MFSD8: variants seen among roughly 807,000 people sequenced by gnomAD.
MFSD8 encodes major facilitator superfamily domain containing 8.
A neutral mutation model predicts 66.4 loss-of-function variants in MFSD8; 55 were observed. The observed-to-expected ratio is 0.83, with a 90% confidence interval of 0.67 to 1.04. The LOEUF (loss-of-function observed/expected upper bound fraction) is 1.04. Ranked by LOEUF, MFSD8 falls within the 50% of genes least tolerant of loss-of-function variation. The probability of loss-of-function intolerance (pLI) is 0.00; values close to 1 mark genes in which losing one functional copy is unlikely to be tolerated. For synonymous variants in MFSD8, 202 were observed against 212.8 expected (o/e 0.95, Z 0.44); for missense variants, 550 against 627.6 (o/e 0.88, Z 1.32).
chr4:127,929,998 T>C (rs974778805), intron 9 of MFSD8, among the ~76,000 whole-genome samples: 2 of 152,062 alleles, frequency 1.3e-5, no homozygotes, highest in Non-Finnish European at 2.9e-5. Context: ...ATCCCAACAC[T>C]TTGGGAGACT....
In MFSD8 at chr4:127,922,053, T is replaced by C. The variant is rs1736418047; in HGVS notation, c.999-90A>G. On this transcript the variant is annotated intron_variant, in intron 9 of 11. Transcript: ENST00000641686. ...ATAATTTTAAAAACTAAAAATAATA[T>C]CTTGTACTTTTAGTGATATATCCAT... 7 of 1,180,264 alleles carry C rather than the reference T, an allele frequency of 5.9e-6. No homozygotes were observed. The Admixed American group carries it at 7.9e-5, about 13-fold the overall frequency. The allele number at this position is 1,180,264 out of a possible 1,614,324, so 73.1% of individuals were successfully genotyped here.
In MFSD8 at chr4:127,923,547, T is replaced by A. The variant is rs570950369; in HGVS notation, c.999-1584A>T. 4.6e-3 allele frequency among the ~76,000 whole-genome samples: 614 copies of A among 133,228 alleles called. 10 individuals are homozygous for A. Among genetic ancestry groups the A allele is most frequent in the African/African-American group, 0.017 (584 of 34,014 alleles). The allele number at this position is 133,228 out of a possible 152,430, so 87.4% of individuals were successfully genotyped here. A position where few individuals can be genotyped will look rare whatever the true frequency, so the allele number is the denominator to read the frequency against. ...AGTTTTCCAGTATTTTATTTTTTAT[T>A]TTTATTTATTATTATTATTATTATT... is the stretch of plus-strand genomic sequence containing the variant. On this transcript the variant is annotated intron_variant, in intron 9 of 11. Coordinates refer to ENST00000641686, the MANE Select transcript of MFSD8 (RefSeq NM_001371596.2).
intron 7 of MFSD8, among the ~76,000 whole-genome samples, chr4:127,937,147 C>T (rs960471670): frequency 6.6e-6 from 1 of 152,198 alleles, no homozygotes; most frequent in East Asian, 1.9e-4. Context: ...CTTTCTCTCA[C>T]TCCCTTTCTG....
rs961626192 is a variant in MFSD8 at position 127,939,860 on chromosome 4, T to C, written c.691A>G (p.Ile231Val). The change falls in exon 6 of 12, where the codon ATA becomes GTA. Residue 231 changes from isoleucine to valine, a missense_variant. By Grantham distance (29) the Ile-to-Val change is conservative (BLOSUM62 3). Coordinates refer to ENST00000641686, the MANE Select transcript of MFSD8 (RefSeq NM_001371596.2). ...TCATTTCTATCTAATTACCTTAGTA[T>C]GGCAAGGATCAGAATAATATTTAAA... ...GILNIILILA[I>V]LREHRVDDSG... 6.2e-7 allele frequency: 1 copy of C among 1,612,264 alleles called. No individual in the cohort carries two copies. The highest frequency in any genetic ancestry group is 8.5e-7 in the Non-Finnish European group (1 of 1,179,030).
At chr4:127,946,945 A>C (rs969313026) in intron 3 of MFSD8, among the ~76,000 whole-genome samples, 2 of 151,890 alleles carry the variant, frequency 1.3e-5, no homozygotes, top group Non-Finnish European at 2.9e-5. Flanking sequence ...AAAAAAAAAA[A>C]CAATCCTAAC....
chr4:127,948,822 C>A (rs1325983175), intron 3 of MFSD8, among the ~76,000 whole-genome samples: 3 of 152,194 alleles, frequency 2.0e-5, no homozygotes, highest in Non-Finnish European at 4.4e-5. Context: ...TTCGGAGAGT[C>A]CCCACCAGCA....
intron 5 of MFSD8, 92 bp downstream of exon 5, chr4:127,941,953 T>C: frequency 1.0e-6 from 1 of 999,750 alleles, no homozygotes; most frequent in Admixed American, 1.7e-5. Flanking sequence ...TCCCTTCAGC[T>C]ATGAGTTTTT....
Position 127,933,008 on chromosome 4 carries a change from T to C in MFSD8, c.840A>G (p.Leu280=), listed in dbSNP as rs199982542. 3.7e-6 allele frequency: 6 copies of C among 1,613,276 alleles called. No individual in the cohort carries two copies. Among genetic ancestry groups the C allele is most frequent in the Admixed American group, 1.7e-5 (1 of 59,966 alleles). The change falls in exon 8 of 12, where the codon CTA becomes CTG. Residue 280 remains leucine, a synonymous_variant. Transcript: ENST00000641686. The part of the protein sequence containing the change: ...VAINVLFFVT[L]FIFALFETII... ...ACGTTTCAAAAAGGGCAAAGATAAA[T>C]AGAGTCACAAAAAACAGAACATTGA...
Position 127,921,649 on chromosome 4 carries a change from G to A in MFSD8, c.1225C>T (p.Leu409Phe), listed in dbSNP as rs973299734. The change falls in exon 11 of 12, where the codon CTC becomes TTC. Residue 409 changes from leucine to phenylalanine, a missense_variant. Leu to Phe is a conservative substitution (Grantham distance 22). Coordinates refer to ENST00000641686, the MANE Select transcript of MFSD8 (RefSeq NM_001371596.2). ...GCCAGATGAATCACCGGGGTGTAGA[G>A]GCACCAGGCTTGTTCAATCGAGCAA... ...TGCSIEQAWC[L>F]YTPVIHLAQF... 1.9e-6 allele frequency: 3 copies of A among 1,614,020 alleles called. No individual in the cohort carries two copies. The highest frequency in any genetic ancestry group is 4.5e-5 in the East Asian group (2 of 44,892).
chr4:127,927,742 A>G (rs1179661796), intron 9 of MFSD8, among the ~76,000 whole-genome samples: 1 of 151,970 alleles, frequency 6.6e-6, no homozygotes. Flanking sequence ...ACTGGAGTGT[A>G]GTGGTACAAT....
intron 5 of MFSD8, among the ~76,000 whole-genome samples, 186 bp from the exon 6 acceptor site, chr4:127,940,183 G>T (rs1739923357): frequency 6.6e-6 from 1 of 152,022 alleles, no homozygotes; most frequent in African/African-American, 2.4e-5. Context: ...TATGTATAAA[G>T]CAGGTATGTA....
intron 7 of MFSD8, among the ~76,000 whole-genome samples, chr4:127,937,173 T>G (rs1739226568): frequency 6.6e-6 from 1 of 152,224 alleles, no homozygotes; most frequent in South Asian, 2.1e-4. Context: ...ATAGTGTGTT[T>G]CACTGGGTGA....
At chr4:127,951,222 G>A (rs1741899988) in intron 2 of MFSD8, among the ~76,000 whole-genome samples, 1 of 151,950 alleles carries the variant, frequency 6.6e-6, no homozygotes, top group Admixed American at 6.6e-5. Flanking sequence ...CATCATTACA[G>A]TCAATTTTAT....
intron 9 of MFSD8, among the ~76,000 whole-genome samples, chr4:127,926,836 T>C (rs949972325): frequency 6.6e-6 from 1 of 152,142 alleles, no homozygotes; most frequent in Non-Finnish European, 1.5e-5. Flanking sequence ...TTTACAACAG[T>C]AGGAAAGTGA....
At chr4:127,961,620 C>T (rs1252657774) in intron 1 of MFSD8, among the ~76,000 whole-genome samples, 1 of 152,030 alleles carries the variant, frequency 6.6e-6, no homozygotes, top group East Asian at 1.9e-4. Context: ...CGAGACCATC[C>T]TGGCTAACAC....
At chr4:127,936,807 C>CA (rs1307946910) in intron 7 of MFSD8, among the ~76,000 whole-genome samples, 2 of 152,092 alleles carry the variant, frequency 1.3e-5, no homozygotes, top group Non-Finnish European at 2.9e-5. Context: ...TGCATCTTAA[C>CA]AAGGTTCCCA....
chr4:127,964,430 G>T (rs1744573873), intron 1 of MFSD8, among the ~76,000 whole-genome samples: 1 of 152,226 alleles, frequency 6.6e-6, no homozygotes, highest in South Asian at 2.1e-4. Context: ...AGCGCCAGTG[G>T]GCTGGCACTG....
At chr4:127,944,714 G>A (rs966157612) in intron 3 of MFSD8, among the ~76,000 whole-genome samples, 9 of 151,834 alleles carry the variant, frequency 5.9e-5, no homozygotes, top group Middle Eastern at 3.4e-3. Flanking sequence ...AGGCTGGAGC[G>A]CAGTGGTCCG....
In MFSD8 at chr4:127,943,965, A is replaced by G. The variant is rs774200444; in HGVS notation, c.226T>C (p.Leu76=). Residue 76 remains leucine (L), a synonymous_variant, in exon 4 of 12, where the codon TTG becomes CTG. Transcript: ENST00000641686. ...CTATATGAAGCAATAACCCAGCCCA[A>G]AAAACTTGTATCAGCTGTCGGATCA... ...KIDPTADTSF[L]GWVIASYSLG... is the part of the protein sequence containing the mutation. 3 of 1,614,094 alleles carry G rather than the reference A, an allele frequency of 1.9e-6. No individual in the cohort carries two copies. Among genetic ancestry groups the G allele is most frequent in the Non-Finnish European group, 2.5e-6 (3 of 1,180,040 alleles).
Sources: allele counts gnomAD v4.1 joint callset (sites outside exome capture counted in the v4.1 genomes callset), GRCh38; gene constraint gnomAD v4.1.1; transcripts MANE v1.5; gene names NCBI Gene and HGNC (gene_info 2026-07-23, HGNC 2026-07-21).